Variants in TBCK observed in about 807,000 individuals in gnomAD.
TBCK encodes the protein TBC domain-containing protein kinase-like protein.
Under a neutral mutation model 113.4 loss-of-function variants are expected in TBCK, and 99 were observed. The ratio of observed to expected loss-of-function variants is 0.87; its 90% CI spans 0.74 to 1.03. TBCK has a LOEUF of 1.03. TBCK is among the 50% of genes least tolerant of loss of function. The probability of loss-of-function intolerance (pLI) is 0.00; values close to 1 mark genes in which losing one functional copy is unlikely to be tolerated. For synonymous variants in TBCK, 369 were observed against 370.8 expected (o/e 1.00, Z 0.05); for missense variants, 1,045 against 1,061.3 (o/e 0.98, Z 0.21).
intron 22 of TBCK, among the ~76,000 whole-genome samples, chr4:106,179,787 T>A (rs1056743611): frequency 2.0e-5 from 3 of 152,054 alleles, no homozygotes; most frequent in Non-Finnish European, 4.4e-5. Flanking sequence ...ACTCCAGTGT[T>A]TCTGTGTTGA....
intron 19 of TBCK, chr4:106,213,238 C>G (rs909411917): frequency 4.3e-5 from 7 of 164,252 alleles, no homozygotes; most frequent in Non-Finnish European, 6.6e-5. Context: ...ATAATAATGT[C>G]TCAAATTTGT....
chr4:106,284,368 G>A (rs1271994044), intron 3 of TBCK, among the ~76,000 whole-genome samples: 1 of 152,046 alleles, frequency 6.6e-6, no homozygotes, highest in Non-Finnish European at 1.5e-5. Context: ...CTCATTCAGT[G>A]AGTAGGCAAT....
At chr4:106,306,007 T>C (rs1767477637) in intron 2 of TBCK, among the ~76,000 whole-genome samples, 1 of 152,108 alleles carries the variant, frequency 6.6e-6, no homozygotes, top group Non-Finnish European at 1.5e-5. Context: ...AGCCTTTCTT[T>C]TATTCCTTCA....
chr4:106,061,488 G>A (rs1164572448), intron 25 of TBCK, among the ~76,000 whole-genome samples: 1 of 144,928 alleles, frequency 6.9e-6, no homozygotes, highest in African/African-American at 2.5e-5. Context: ...AGGTATGTAT[G>A]TACTTAATTT....
At chr4:106,178,727 T>C (rs1751982436) in intron 22 of TBCK, among the ~76,000 whole-genome samples, 1 of 151,978 alleles carries the variant, frequency 6.6e-6, no homozygotes, top group Non-Finnish European at 1.5e-5. Flanking sequence ...GTATTTTTGT[T>C]GAGAATTTTT....
At chr4:106,151,366 C>T (rs1009184805) in intron 23 of TBCK, among the ~76,000 whole-genome samples, 1 of 151,992 alleles carries the variant, frequency 6.6e-6, no homozygotes, top group Non-Finnish European at 1.5e-5. Flanking sequence ...CCCCCACTAC[C>T]CTTCCCAGCC....
intron 17 of TBCK, among the ~76,000 whole-genome samples, chr4:106,232,519 A>AG (rs1488839800): frequency 7.7e-4 from 117 of 151,968 alleles, no homozygotes; most frequent in Non-Finnish European, 1.1e-3. Context: ...TACAAGAAAA[A>AG]AAAGACAATA....
intron 5 of TBCK, among the ~76,000 whole-genome samples, chr4:106,253,387 T>A (rs1445144885): frequency 6.6e-6 from 1 of 152,194 alleles, no homozygotes; most frequent in Non-Finnish European, 1.5e-5. Flanking sequence ...TCCTGCTTTT[T>A]ATTATTAACA....
intron 23 of TBCK, among the ~76,000 whole-genome samples, chr4:106,120,199 G>T (rs1744105474): frequency 1.3e-5 from 2 of 152,170 alleles, no homozygotes; most frequent in African/African-American, 4.8e-5. Flanking sequence ...CAAAGAAAGG[G>T]GTGACTGATG....
Position 106,236,798 on chromosome 4 carries a change from T to A in TBCK, c.1181A>T (p.Asp394Val). ...SLCQLRNRLK[D>V]VGGEAFYPLL... The stretch of plus-strand genomic sequence containing the variant: ...TGGGTAAAATGCTTCTCCACCAACA[T>A]CTTTCAATCTCTGTGTATTTAAAGA... Residue 394 changes from aspartate to valine, a missense_variant, in exon 13 of 26, where the codon GAT becomes GTT. Transcript: ENST00000394708. 1.3e-6 allele frequency: 2 copies of A among 1,513,304 alleles called. No individual in the cohort carries two copies. The highest frequency in any genetic ancestry group is 1.4e-5 in the African/African-American group (1 of 70,460). 93.7% of individuals were successfully genotyped at this position (1,513,304 alleles called of 1,614,324 possible).
intron 19 of TBCK, among the ~76,000 whole-genome samples, chr4:106,216,746 G>A (rs1756983713): frequency 6.6e-6 from 1 of 151,854 alleles, no homozygotes; most frequent in Non-Finnish European, 1.5e-5. Context: ...ACCAAAAAGA[G>A]TCCAGGACCA....
chr4:106,218,166 A>T (rs1403703250), intron 19 of TBCK, among the ~76,000 whole-genome samples: 6 of 144,590 alleles, frequency 4.1e-5, no homozygotes, highest in African/African-American at 1.5e-4. Flanking sequence ...GGCTAGCCAT[A>T]TGTAGAAAGC....
intron 22 of TBCK, among the ~76,000 whole-genome samples, chr4:106,180,526 C>G (rs538372151): frequency 2.6e-5 from 4 of 152,156 alleles, no homozygotes; most frequent in African/African-American, 9.6e-5. Flanking sequence ...CTAATGTTAT[C>G]CTTCCCCTAG....
intron 16 of TBCK, 83 bp downstream of exon 16, chr4:106,233,503 GAA>G (rs1560874997): frequency 3.8e-6 from 4 of 1,043,658 alleles, no homozygotes; most frequent in Non-Finnish European, 4.4e-6. Flanking sequence ...ATTCATGAGA[GAA>G]AGAGGCTTTC....
intron 3 of TBCK, among the ~76,000 whole-genome samples, chr4:106,292,664 A>C (rs1278846163): frequency 6.6e-6 from 1 of 152,096 alleles, no homozygotes; most frequent in African/African-American, 2.4e-5. Context: ...TCTCTTAAAC[A>C]CAGAAGTAGG....
At chr4:106,194,670 T>A (rs1199557071) in intron 21 of TBCK, 48 bp downstream of exon 21, 1 of 1,481,530 alleles carries the variant, frequency 6.7e-7, no homozygotes, top group Non-Finnish European at 9.3e-7. Flanking sequence ...CATCGGGCTG[T>A]CCTTTTGCTA....
At chr4:106,280,322 C>G (rs1311045076) in intron 3 of TBCK, among the ~76,000 whole-genome samples, 2 of 152,006 alleles carry the variant, frequency 1.3e-5, no homozygotes, top group African/African-American at 4.8e-5. Context: ...CTTATATAAT[C>G]TAGTTATTAG....
chr4:106,193,176 C>T (rs545086960), intron 22 of TBCK, among the ~76,000 whole-genome samples: 2 of 152,228 alleles, frequency 1.3e-5, no homozygotes, highest in East Asian at 1.9e-4. Context: ...TTTGTCAAAT[C>T]GTAAAATTGT....
Position 106,177,196 on chromosome 4 carries a change from G to A in TBCK, c.2060-5926C>T, listed in dbSNP as rs59061212. 5.6e-3 allele frequency among the ~76,000 whole-genome samples: 843 copies of A among 151,796 alleles called. 9 individuals are homozygous for A. The highest frequency in any genetic ancestry group is 0.02 in the African/African-American group (813 of 41,472). On this transcript the variant is annotated intron_variant, in intron 22 of 25. Transcript: ENST00000394708. ...ATCTACCCGTTTTTTAAATAGGATTGTTTTTTGGCTATTCATTTGAGTTCT... is the reference window on the plus strand; with the variant it reads ...ATCTACCCGTTTTTTAAATAGGATTATTTTTTGGCTATTCATTTGAGTTCT...
Sources: allele counts gnomAD v4.1 joint callset (sites outside exome capture counted in the v4.1 genomes callset), GRCh38; gene constraint gnomAD v4.1.1; transcripts MANE v1.5; gene names NCBI Gene and HGNC (gene_info 2026-07-23, HGNC 2026-07-21).